Variants in ZFAT observed in about 807,000 individuals in gnomAD.
ZFAT encodes zinc finger and AT-hook domain containing.
ZFAT carries 64 observed loss-of-function variants against 117.7 expected under a neutral mutation model. The ratio of observed to expected loss-of-function variants is 0.54; its 90% CI spans 0.44 to 0.67. ZFAT has a LOEUF of 0.67. ZFAT is among the 30% of genes least tolerant of loss of function. The pLI, the probability that ZFAT is intolerant of heterozygous loss-of-function variation, is 0.00. For synonymous variants in ZFAT, 679 were observed against 615.0 expected, an observed-to-expected ratio of 1.10 and a Z score of -1.54; for missense variants, 1,433 against 1,584.5, an observed-to-expected ratio of 0.90 and a Z score of 1.62.
intron 11 of ZFAT, among the ~76,000 whole-genome samples, chr8:134,538,814 AG>A (rs1207093511): frequency 7.0e-4 from 104 of 148,356 alleles, no homozygotes; most frequent in Non-Finnish European, 1.3e-3. Flanking sequence ...AAAAAAAAAA[AG>A]ATAAAGATTA....
chr8:134,725,918 C>T, the ZFAT span, among the ~76,000 whole-genome samples: 145 of 152,214 alleles, frequency 9.5e-4, no homozygotes, highest in Middle Eastern at 3.4e-3. Context: ...TTCATTAATC[C>T]GTTCAATTCA....
the ZFAT span, among the ~76,000 whole-genome samples, chr8:134,798,510 G>GT: frequency 6.6e-6 from 1 of 152,042 alleles, no homozygotes; most frequent in East Asian, 1.9e-4. Context: ...GTACCTTCCT[G>GT]TAAGGGTGGG....
chr8:134,616,128 G>A (rs920572193), intron 3 of ZFAT, among the ~76,000 whole-genome samples: 1 of 152,100 alleles, frequency 6.6e-6, no homozygotes, highest in Non-Finnish European at 1.5e-5. Context: ...AGAAATATCA[G>A]GTTCTCCACC....
chr8:134,672,565 A>T (rs1199522880), intron 1 of ZFAT, among the ~76,000 whole-genome samples: 4 of 152,262 alleles, frequency 2.6e-5, no homozygotes. Context: ...ATAATAAAAA[A>T]AAAGAAATCC....
the ZFAT span, among the ~76,000 whole-genome samples, chr8:134,755,293 G>C: frequency 1.3e-4 from 19 of 150,298 alleles, no homozygotes; most frequent in Non-Finnish European, 2.2e-4. Context: ...TGTGCCTATA[G>C]TCCCAGCTAC....
chr8:134,753,780 C>A, the ZFAT span, among the ~76,000 whole-genome samples: 1 of 152,070 alleles, frequency 6.6e-6, no homozygotes, highest in Non-Finnish European at 1.5e-5. Context: ...TATATAAATA[C>A]AGTGAAAAAA....
intron 3 of ZFAT, among the ~76,000 whole-genome samples, chr8:134,621,649 G>A (rs1165350373): frequency 6.6e-6 from 1 of 152,210 alleles, no homozygotes; most frequent in East Asian, 1.9e-4. Flanking sequence ...TAACTGGCAG[G>A]AGCTTTTTCC....
chr8:134,810,086 A>T, the ZFAT span, among the ~76,000 whole-genome samples: 2 of 152,136 alleles, frequency 1.3e-5, no homozygotes, highest in African/African-American at 4.8e-5. Context: ...CATGAACTAC[A>T]CCCAAAACAA....
At chr8:134,707,021 C>T (rs879613581) in intron 1 of ZFAT, among the ~76,000 whole-genome samples, 3 of 152,144 alleles carry the variant, frequency 2.0e-5, no homozygotes, top group Non-Finnish European at 2.9e-5. Flanking sequence ...CTTCCCACTA[C>T]TCAAAGGCCC....
intron 1 of ZFAT, among the ~76,000 whole-genome samples, chr8:134,661,509 T>G (rs908929321): frequency 2.6e-5 from 4 of 151,988 alleles, no homozygotes; most frequent in African/African-American, 9.7e-5. Context: ...CCCCCTAGAA[T>G]GTGAGGTCAT....
At chr8:134,529,489 G>A (rs1307292204) in intron 12 of ZFAT, among the ~76,000 whole-genome samples, 2 of 152,228 alleles carry the variant, frequency 1.3e-5, no homozygotes, top group Non-Finnish European at 2.9e-5. Context: ...TGATGGCTAA[G>A]AGGAATCTGT....
At chr8:134,779,381 C>T in the ZFAT span, among the ~76,000 whole-genome samples, 1 of 151,804 alleles carries the variant, frequency 6.6e-6, no homozygotes. Flanking sequence ...CAGGTAACCA[C>T]AATGTGGGAC....
the ZFAT span, among the ~76,000 whole-genome samples, chr8:134,779,863 C>T: frequency 6.6e-6 from 1 of 152,030 alleles, no homozygotes; most frequent in Non-Finnish European, 1.5e-5. Flanking sequence ...TACCCGCAAC[C>T]CTGAAGGTAG....
intron 1 of ZFAT, among the ~76,000 whole-genome samples, chr8:134,670,309 GCAC>G (rs1341778630): frequency 6.6e-6 from 1 of 152,202 alleles, no homozygotes; most frequent in East Asian, 1.9e-4. Context: ...ATTCTTCTCA[GCAC>G]CACATCACAC....
At chr8:134,629,130 C>T (rs1190099059) in intron 3 of ZFAT, among the ~76,000 whole-genome samples, 1 of 152,036 alleles carries the variant, frequency 6.6e-6, no homozygotes, top group Non-Finnish European at 1.5e-5. Context: ...CAATCGACCA[C>T]GGTAAGTGTC....
chr8:134,774,242 CTG>C, the ZFAT span, among the ~76,000 whole-genome samples: 3 of 152,052 alleles, frequency 2.0e-5, no homozygotes, highest in Admixed American at 6.6e-5. Context: ...GGTGATCCAC[CTG>C]CATCGGCCTC....
At chr8:134,712,729 G>A (rs1814061707) in intron 1 of ZFAT, 116 bp downstream of exon 1, 26 of 909,932 alleles carry the variant, frequency 2.9e-5, no homozygotes, top group Non-Finnish European at 3.7e-5. Flanking sequence ...GCGGCCGGCG[G>A]CCGGCGGCCG....
At chr8:134,795,611 T>C in the ZFAT span, 1 of 151,948 alleles carries the variant, frequency 6.6e-6, no homozygotes, top group African/African-American at 2.4e-5. Flanking sequence ...CAGACAATGG[T>C]TTGTAAATGA....
intron 1 of ZFAT, among the ~76,000 whole-genome samples, chr8:134,687,634 C>T (rs909075934): frequency 6.6e-6 from 1 of 152,090 alleles, no homozygotes; most frequent in African/African-American, 2.4e-5. Context: ...TGTCCCGCTG[C>T]AGACCCTGGA....
Sources: gnomAD v4.1 joint callset for allele counts (sites outside exome capture counted in the v4.1 genomes callset) on GRCh38, gnomAD v4.1.1 for gene constraint, MANE v1.5 for transcripts, NCBI Gene and HGNC (gene_info 2026-07-23, HGNC 2026-07-21) for gene names.